Variants in TBC1D22A observed in about 807,000 individuals in gnomAD.
The protein encoded by TBC1D22A is TBC1 domain family member 22A.
Under a neutral mutation model 60.2 loss-of-function variants are expected in TBC1D22A, and 38 were observed. That is an observed-to-expected ratio of 0.63 (90% CI 0.49 to 0.83). The LOEUF (loss-of-function observed/expected upper bound fraction) is 0.83, where lower values mean the gene tolerates loss of function less well. Among genes scored for constraint, TBC1D22A ranks in the 40% least tolerant of loss-of-function variants. TBC1D22A has a pLI of 0.00. For missense variants in TBC1D22A, 628 were observed against 701.0 expected (o/e 0.90, Z 1.18); for synonymous variants, 302 against 281.7 (o/e 1.07, Z -0.72).
chr22:47,039,675 G>A (rs74853161), intron 11 of TBC1D22A, among the ~76,000 whole-genome samples: 200 of 143,480 alleles, frequency 1.4e-3, no homozygotes, highest in East Asian at 9.8e-3. Flanking sequence ...CAGGGGTCGC[G>A]TGCTCCCTCA....
In TBC1D22A at chr22:47,146,754, G is replaced by T. The variant is rs114489113; in HGVS notation, c.1426-26744G>T. The stretch of plus-strand genomic sequence containing the variant: ...GGCTTTGCCTGCCGGGACACAGGAG[G>T]TCTCCTCATCTGGAGGATGGGACGC... On this transcript the variant is annotated intron_variant, in intron 12 of 12. Transcript: ENST00000337137. Among the ~76,000 whole-genome samples, 412 of 152,322 alleles carry T rather than the reference G, an allele frequency of 2.7e-3. 2 individuals are homozygous for T. Among genetic ancestry groups the T allele is most frequent in the African/African-American group, 9.6e-3 (397 of 41,562 alleles).
intron 12 of TBC1D22A, among the ~76,000 whole-genome samples, chr22:47,164,006 T>C (rs570657398): frequency 1.3e-5 from 2 of 152,352 alleles, no homozygotes; most frequent in African/African-American, 4.8e-5. Flanking sequence ...CCCATGCTTT[T>C]CCTTGTACGA....
At chr22:47,121,182 T>C (rs1002279983) in intron 12 of TBC1D22A, among the ~76,000 whole-genome samples, 2 of 152,224 alleles carry the variant, frequency 1.3e-5, no homozygotes, top group African/African-American at 4.8e-5. Context: ...GAATCGAAAA[T>C]GGAAGCAAAT....
At chr22:47,096,550 G>T (rs970811176) in intron 11 of TBC1D22A, among the ~76,000 whole-genome samples, 2 of 152,172 alleles carry the variant, frequency 1.3e-5, no homozygotes, top group Non-Finnish European at 1.5e-5. Context: ...GGCCGGGCAC[G>T]GTGGCTCATG....
In TBC1D22A at chr22:46,762,845, G is replaced by C. The variant is rs1375724995; in HGVS notation, c.59G>C (p.Gly20Ala). ...AAGCGCAGCAACAGCAAGCTCCCGG[G>C]CAGGTGGGTGTGCCGCGGAGGGCCA... ...FWKRSNSKLP[G>A]SIQHVYGAQH... Residue 20 changes from glycine to alanine, a missense_variant, in exon 1 of 13, where the codon GGC (glycine) becomes GCC (alanine). Gly to Ala is a moderately conservative substitution (Grantham distance 60). Transcript: ENST00000337137. 1 of 1,469,728 alleles carries C rather than the reference G, an allele frequency of 6.8e-7. No homozygotes were observed. Among genetic ancestry groups the C allele is most frequent in the Non-Finnish European group, 9.0e-7 (1 of 1,116,514 alleles). The allele number at this position is 1,469,728 out of a possible 1,614,324, so 91.0% of individuals were successfully genotyped here.
intron 4 of TBC1D22A, among the ~76,000 whole-genome samples, chr22:46,798,401 G>T (rs1253545862): frequency 1.3e-5 from 2 of 152,218 alleles, no homozygotes; most frequent in Admixed American, 1.3e-4. Context: ...CTGCAAGGGG[G>T]CAGGGGTGAG....
intron 12 of TBC1D22A, among the ~76,000 whole-genome samples, chr22:47,168,651 T>G (rs2068299691): frequency 6.6e-6 from 1 of 151,892 alleles, no homozygotes; most frequent in Admixed American, 6.6e-5. Context: ...GAGCTCAGGG[T>G]CTCGAAGGAA....
intron 1 of TBC1D22A, among the ~76,000 whole-genome samples, chr22:46,769,220 C>T (rs552068932): frequency 3.3e-5 from 5 of 152,078 alleles, no homozygotes; most frequent in Admixed American, 2.0e-4. Context: ...GTGGCTCTGA[C>T]AGCCTTCAGC....
intron 4 of TBC1D22A, among the ~76,000 whole-genome samples, chr22:46,814,892 G>T (rs2085529313): frequency 1.3e-5 from 2 of 151,468 alleles, no homozygotes; most frequent in Non-Finnish European, 2.9e-5. Context: ...GACCTCAGGT[G>T]ATCCACCCAC....
chr22:46,795,973 C>T (rs1487930773), intron 3 of TBC1D22A, among the ~76,000 whole-genome samples: 1 of 152,168 alleles, frequency 6.6e-6, no homozygotes, highest in Admixed American at 6.5e-5. Flanking sequence ...CCATGGTCCT[C>T]CCCTCTGCTC....
chr22:46,876,218 C>T (rs1349932626), intron 4 of TBC1D22A, among the ~76,000 whole-genome samples: 1 of 152,182 alleles, frequency 6.6e-6, no homozygotes, highest in Non-Finnish European at 1.5e-5. Context: ...CTTTCAGATT[C>T]TCGTATGTGC....
At chr22:46,781,157 T>TG (rs1452538879) in intron 1 of TBC1D22A, among the ~76,000 whole-genome samples, 1 of 150,752 alleles carries the variant, frequency 6.6e-6, no homozygotes, top group Non-Finnish European at 1.5e-5. Flanking sequence ...TTTTTTTTTT[T>TG]AGACAGGGTG....
chr22:46,766,090 C>T (rs913372437), intron 1 of TBC1D22A, among the ~76,000 whole-genome samples: 2 of 151,882 alleles, frequency 1.3e-5, no homozygotes, highest in Non-Finnish European at 2.9e-5. Flanking sequence ...CTCCGCCTCC[C>T]GGGTTCACGC....
intron 4 of TBC1D22A, among the ~76,000 whole-genome samples, chr22:46,814,654 AT>A (rs559610482): frequency 2.7e-5 from 4 of 149,032 alleles, no homozygotes; most frequent in East Asian, 2.0e-4. Flanking sequence ...TTTATTTTTA[AT>A]TTTTTTTTTG....
chr22:47,171,422 C>T (rs1245586031), intron 12 of TBC1D22A, among the ~76,000 whole-genome samples: 1 of 152,140 alleles, frequency 6.6e-6, no homozygotes, highest in African/African-American at 2.4e-5. Context: ...GCCGGGGAGC[C>T]TGCAGGTGGC....
intron 4 of TBC1D22A, among the ~76,000 whole-genome samples, chr22:46,823,009 G>A (rs1443807308): frequency 3.3e-5 from 5 of 152,160 alleles, no homozygotes; most frequent in Non-Finnish European, 7.3e-5. Context: ...CAAGAGAGTC[G>A]GTGCTGGGAC....
chr22:47,057,619 CGAA>C (rs1039669294), intron 11 of TBC1D22A, among the ~76,000 whole-genome samples: 2 of 152,138 alleles, frequency 1.3e-5, no homozygotes, highest in South Asian at 2.1e-4. Flanking sequence ...TCATGGAAGA[CGAA>C]GGAGGAGCAA....
intron 11 of TBC1D22A, among the ~76,000 whole-genome samples, chr22:47,077,151 A>G (rs1442632820): frequency 1.3e-5 from 2 of 152,218 alleles, no homozygotes; most frequent in Non-Finnish European, 2.9e-5. Flanking sequence ...GGATTCTCTT[A>G]TTGAAGAAGA....
At chr22:46,764,154 T>C (rs2083205434) in intron 1 of TBC1D22A, 1 of 152,202 alleles carries the variant, frequency 6.6e-6, no homozygotes, top group South Asian at 2.1e-4. Context: ...CGTGAGTTAC[T>C]GACAGCTCAG....
Sources: allele counts gnomAD v4.1 joint callset (sites outside exome capture counted in the v4.1 genomes callset), GRCh38; gene constraint gnomAD v4.1.1; transcripts MANE v1.5; gene names NCBI Gene and HGNC (gene_info 2026-07-23, HGNC 2026-07-21).